Variants in DNAH2 observed in about 807,000 individuals in gnomAD.
DNAH2 encodes dynein axonemal heavy chain 2.
A neutral mutation model predicts 523.5 loss-of-function variants in DNAH2; 323 were observed. The observed-to-expected ratio is 0.62, with a 90% CI of 0.56 to 0.68. The LOEUF (loss-of-function observed/expected upper bound fraction) is 0.68, where lower values mean the gene tolerates loss of function less well. DNAH2 is among the 30% of genes least tolerant of loss of function. DNAH2 has a pLI of 0.00. For synonymous variants in DNAH2, 2,093 were observed against 2,177.4 expected, an observed-to-expected ratio of 0.96 and a Z score of 1.08; for missense variants, 4,907 against 5,701.5, an observed-to-expected ratio of 0.86 and a Z score of 4.49.
rs1304193755 is a variant in DNAH2, at chr17:7,770,258, G to A, written c.3948G>A (p.Trp1316Ter). Residue 1316 changes from tryptophan to a stop codon, truncating the protein, a stop_gained, in exon 25 of 86, where the codon TGG becomes TGA. Coordinates refer to ENST00000572933, the MANE Select transcript of DNAH2 (RefSeq NM_020877.5). LOFTEE classifies it high-confidence loss of function. ...CTCCTGTTCCTGGCTGCAGGCACTG[G>A]GACCAGGTCCGGGATGAGATCCAGC... ...LRNPALRERH[W>*]DQVRDEIQRE... 1 of 1,604,140 alleles carries A rather than the reference G, an allele frequency of 6.2e-7. No homozygotes were observed. The highest frequency in any genetic ancestry group is 1.7e-5 in the Admixed American group (1 of 58,492).
Position 7,828,049 on chromosome 17 carries a change from C to T in DNAH2, c.11854-2251C>T, listed in dbSNP as rs948084070. On this transcript the variant is annotated intron_variant, in intron 77 of 85. Transcript: ENST00000572933. The surrounding 1 kb of genome is among the most constrained non-coding windows in gnomAD (Gnocchi z 4.1). ...TCCCAGGCTCTAGCAATCTTTCCAC[C>T]TGCACCTCACAGGTGTGTGCCACCA... Among the ~76,000 whole-genome samples, 11 of 151,956 alleles carry T rather than the reference C, an allele frequency of 7.2e-5. No individual in the cohort carries two copies. The highest frequency in any genetic ancestry group is 2.7e-4 in the African/African-American group (11 of 41,272).
intron 42 of DNAH2, 46 bp downstream of exon 42, chr17:7,787,079 G>A (rs752435029): frequency 1.2e-5 from 19 of 1,606,070 alleles, no homozygotes; most frequent in Admixed American, 1.7e-5. Context: ...GGCAGGCACC[G>A]GAGGGCGTGG....
chr17:7,765,313 C>T (rs1030210178), intron 20 of DNAH2, 78 bp from the exon 21 acceptor site: 1 of 1,266,946 alleles, frequency 7.9e-7, no homozygotes, highest in African/African-American at 1.5e-5. Context: ...GGGCAGACCT[C>T]CTGCTCCTGG....
rs966052963 is a variant in DNAH2, at chr17:7,799,216, C to T, written c.8673C>T (p.Cys2891=). 1 of 1,614,138 alleles carries T rather than the reference C, an allele frequency of 6.2e-7. No individual in the cohort carries two copies. The highest frequency in any genetic ancestry group is 2.2e-5 in the East Asian group (1 of 44,908). Residue 2891 remains cysteine, a synonymous_variant, in exon 56 of 86, where the codon TGC becomes TGT. Coordinates refer to ENST00000572933, the MANE Select transcript of DNAH2 (RefSeq NM_020877.5). The part of the protein sequence containing the change: ...RVQNNLHIVL[C]LSPMGDPFRN... Reference sequence around the variant, plus strand: ...AGAACAACCTGCACATCGTGCTCTGCCTCAGCCCCATGGGGGATCCCTTCA... The same window carrying T: ...AGAACAACCTGCACATCGTGCTCTGTCTCAGCCCCATGGGGGATCCCTTCA...
At chr17:7,745,690 T>C (rs1413512683) in intron 12 of DNAH2, among the ~76,000 whole-genome samples, 2 of 149,952 alleles carry the variant, frequency 1.3e-5, no homozygotes, top group Non-Finnish European at 2.9e-5. Context: ...CTCAGGAGGC[T>C]GAGGTGGAAG....
Position 7,830,482 on chromosome 17 carries a change from C to T in DNAH2, c.12036C>T (p.Ser4012=), listed in dbSNP as rs61744634. ...ACATCATCTATGGCTTCAATGACTC[C>T]GACTTTGAGGTTTGCATTAGCCAGG... ...GWNIIYGFND[S]DFEVSENLLS... Residue 4012 remains serine, a synonymous_variant, in exon 78 of 86, where the codon TCC becomes TCT. Transcript: ENST00000572933. 6.2e-3 allele frequency: 9,995 copies of T among 1,614,082 alleles called. 38 individuals carry two copies. The highest frequency in any genetic ancestry group is 7.7e-3 in the Non-Finnish European group (9,119 of 1,179,980).
intron 67 of DNAH2, 37 bp downstream of exon 67, chr17:7,817,893 C>T (rs1276151507): frequency 6.2e-7 from 1 of 1,613,978 alleles, no homozygotes. Context: ...CCCCCCCTTC[C>T]TGAGGCCCCA....
rs903100595 is a variant in DNAH2 at position 7,765,462 on chromosome 17, A to G, written c.3408A>G (p.Gln1136=). The G allele has an allele frequency of 1.2e-6, 2 of 1,614,268 alleles. No homozygotes were observed. Among genetic ancestry groups the G allele is most frequent in the South Asian group, 2.2e-5 (2 of 91,090 alleles). ...VFQQTLLDSK[Q]MLKKHKEKFK... Reference sequence around the variant, plus strand: ...AACAAACTCTGCTGGACAGTAAGCAAATGCTGAAGAAACACAAGGAGAAAT... The same window carrying G: ...AACAAACTCTGCTGGACAGTAAGCAGATGCTGAAGAAACACAAGGAGAAAT... Residue 1136 remains glutamine, a synonymous_variant, in exon 21 of 86, where the codon CAA becomes CAG. Coordinates refer to ENST00000572933, the MANE Select transcript of DNAH2 (RefSeq NM_020877.5).
Position 7,719,789 on chromosome 17 carries a change from G to A in DNAH2, c.55G>A (p.Ala19Thr). 6.2e-7 allele frequency: 1 copy of A among 1,614,128 alleles called. No homozygotes were observed. The highest frequency in any genetic ancestry group is 8.5e-7 in the Non-Finnish European group (1 of 1,180,012). ...ATTGAGTGGCCGAGGAAGCTCCCAG[G>A]CAAGCTGGTCAGGGCGGGCCACTCG... Reference protein sequence around the residue: ...QRLSGRGSSQASWSGRATRAA... With the variant: ...QRLSGRGSSQTSWSGRATRAA... Residue 19 changes from alanine to threonine, a missense_variant, in exon 2 of 86, where the codon GCA (alanine) becomes ACA (threonine). Physicochemically the swap from Ala to Thr is moderately conservative, Grantham distance 58. Transcript: ENST00000572933.
rs2075605664 is a variant in DNAH2 at position 7,749,303 on chromosome 17, CCCCCCAAAAAAAAAAAAAAAAAAAA to C, written c.1904+6162_1904+6186del. Among the ~76,000 whole-genome samples, 9 of 17,784 alleles carry C rather than the reference CCCCCCAAAAAAAAAAAAAAAAAAAA, an allele frequency of 5.1e-4. No individual in the cohort carries two copies. The East Asian group carries it at 0.011, about 21-fold the overall frequency. The allele number at this position is 17,784 out of a possible 152,430, so 11.7% of individuals were successfully genotyped here. ...AGCCTGGGCAACAAGAGCTAAACTC[CCCCCCAAAAAAAAAAAAAAAAAAAA>C]AAAAAAAAAAAAAAAAAAAAGAAAG... On this transcript the variant is annotated intron_variant, in intron 12 of 85. Coordinates refer to ENST00000572933, the MANE Select transcript of DNAH2 (RefSeq NM_020877.5).
rs369326804 is a variant in DNAH2 at position 7,804,543 on chromosome 17, C to G, written c.9183+77C>G. The stretch of plus-strand genomic sequence containing the variant: ...CTGCGTCAGGGAACCCATGTTCCCC[C>G]CTTCTTAAATTTTCTTTAGTGACTG... On this transcript the variant is annotated intron_variant, in intron 59 of 85. Transcript: ENST00000572933. The G allele has an allele frequency of 7.3e-6, 11 of 1,508,904 alleles. No homozygotes were observed. The Admixed American group carries it at 7.7e-5, about 11-fold the overall frequency. 93.5% of individuals were successfully genotyped at this position (1,508,904 alleles called of 1,614,324 possible).
rs75021796 is a variant in DNAH2 at position 7,824,616 on chromosome 17, G to T, written c.11742G>T (p.Gln3914His). The T allele has an allele frequency of 6.2e-6, 10 of 1,608,622 alleles. No homozygotes were observed. In the East Asian group the frequency reaches 1.6e-4, roughly 25 times the overall value. ...TGGACAAGCTGGTGGAGCAGCTGCA[G>T]GTGGAGGATCCTCATCCATCCTTCC... ...PNLDKLVEQL[Q>H]VEDPHPSFRL... The change falls in exon 77 of 86, where the codon CAG (glutamine) becomes CAT (histidine). Residue 3914 changes from glutamine to histidine, a missense_variant. Gln to His is a conservative substitution (Grantham distance 24). Coordinates refer to ENST00000572933, the MANE Select transcript of DNAH2 (RefSeq NM_020877.5).
At chr17:7,763,349 G>A (rs1032314292) in intron 18 of DNAH2, among the ~76,000 whole-genome samples, 14 of 152,074 alleles carry the variant, frequency 9.2e-5, no homozygotes, top group Non-Finnish European at 1.3e-4. Context: ...TAGTAGAGAT[G>A]GGGTTTCACC....
Position 7,816,667 on chromosome 17 carries a change from C to T in DNAH2, c.9826C>T (p.Leu3276=), listed in dbSNP as rs779386660. Residue 3276 remains leucine, a synonymous_variant, in exon 64 of 86, where the codon CTG becomes TTG. Transcript: ENST00000572933. ...RKKSEEMELK[L]ERAGMLVSGL... is the part of the protein sequence containing the mutation. ...GAAGTCTGAAGAGATGGAGCTGAAG[C>T]TGGAGCGAGCTGGGATGCTCGTGTC... 1.2e-6 allele frequency: 2 copies of T among 1,614,238 alleles called. No individual in the cohort carries two copies. Among genetic ancestry groups the T allele is most frequent in the Non-Finnish European group, 1.7e-6 (2 of 1,180,048 alleles).
chr17:7,741,450 C>T (rs553908609), intron 11 of DNAH2, among the ~76,000 whole-genome samples: 157 of 150,770 alleles, frequency 1.0e-3, no homozygotes, highest in African/African-American at 3.6e-3. Context: ...CTCTGCCTCC[C>T]GGGTTCACAC....
At chr17:7,810,044 T>C (rs1019693928) in intron 63 of DNAH2, among the ~76,000 whole-genome samples, 9 of 148,934 alleles carry the variant, frequency 6.0e-5, no homozygotes. Flanking sequence ...TTCCTTTTCT[T>C]CTTTCTTTTC....
intron 3 of DNAH2, among the ~76,000 whole-genome samples, chr17:7,724,889 T>G (rs1366700042): frequency 6.7e-6 from 1 of 149,506 alleles, no homozygotes; most frequent in Non-Finnish European, 1.5e-5. Context: ...ATTACAGGCA[T>G]GCACCACCAC....
At position 7,828,868 on chromosome 17, in the gene DNAH2, A is replaced by C. The variant is rs1209320812; in HGVS notation, c.11854-1432A>C. Among the ~76,000 whole-genome samples the C allele has an allele frequency of 6.6e-6, 1 of 152,050 alleles. No homozygotes were observed. The highest frequency in any genetic ancestry group is 2.4e-5 in the African/African-American group (1 of 41,318). On this transcript the variant is annotated intron_variant, in intron 77 of 85. Coordinates refer to ENST00000572933, the MANE Select transcript of DNAH2 (RefSeq NM_020877.5). This position sits in a 1 kb window ranked among gnomAD's most constrained non-coding sequence, Gnocchi z 4.1. Reference sequence around the variant, plus strand: ...AAGTCATGTTATTTTTGTTACTGCTATCCAGTATTCCTCAAGTTTCTCACT... The same window carrying C: ...AAGTCATGTTATTTTTGTTACTGCTCTCCAGTATTCCTCAAGTTTCTCACT...
In DNAH2 at chr17:7,833,580, G is replaced by C. The variant is rs368668507; in HGVS notation, c.*47G>C. ...TGAGAGAGAGGGTCAGGGACTCCAG[G>C]AGCTAAGACAGATGTTGCACCTAGG... On this transcript the variant is annotated 3_prime_UTR_variant, in exon 86 of 86. Transcript: ENST00000572933. 1 of 1,607,212 alleles carries C rather than the reference G, an allele frequency of 6.2e-7. No individual in the cohort carries two copies.
Sources: gnomAD v4.1 joint callset for allele counts (sites outside exome capture counted in the v4.1 genomes callset) on GRCh38, gnomAD v4.1.1 for gene constraint, Gnocchi (gnomAD v3.1) non-coding constraint, MANE v1.5 for transcripts, NCBI Gene and HGNC (gene_info 2026-07-23, HGNC 2026-07-21) for gene names.